The following CPA3 variants were observed in gnomAD, a reference collection of about 807,000 sequenced individuals.
CPA3 encodes the protein carboxypeptidase A3.
CPA3 carries 52 observed loss-of-function variants against 55.8 expected under a neutral mutation model. The observed-to-expected ratio is 0.93, with a 90% CI of 0.75 to 1.17. The LOEUF is 1.17. Among genes scored for constraint, CPA3 ranks in the 50% most tolerant of loss-of-function variants. The probability of loss-of-function intolerance (pLI) is 0.00; values close to 1 mark genes in which losing one functional copy is unlikely to be tolerated. For missense variants in CPA3, 547 were observed against 509.1 expected, an observed-to-expected ratio of 1.07 and a Z score of -0.72; for synonymous variants, 179 against 171.2, an observed-to-expected ratio of 1.05 and a Z score of -0.36.
At chr3:148,891,966 CTGTT>C (rs1714683392) in intron 10 of CPA3, among the ~76,000 whole-genome samples, 1 of 152,204 alleles carries the variant, frequency 6.6e-6, no homozygotes, top group African/African-American at 2.4e-5. Context: ...AAGTGGCAAT[CTGTT>C]TGATCACTGA....
In CPA3 at chr3:148,896,647, C is replaced by T; in HGVS notation, c.1194C>T (p.Cys398=). Residue 398 remains cysteine (C), a synonymous_variant, in exon 11 of 11, where the codon TGC becomes TGT. Coordinates refer to ENST00000296046, the MANE Select transcript of CPA3 (RefSeq NM_001870.4). ...CAGAATCCCGGATAAAGCCAACGTG[C>T]AGAGAGACCATGCTAGCTGTCAAAT... is the stretch of plus-strand genomic sequence containing the variant. ...LLPESRIKPT[C]RETMLAVKFI... 2 of 1,581,250 alleles carry T rather than the reference C, an allele frequency of 1.3e-6. No homozygotes were observed. The highest frequency in any genetic ancestry group is 1.7e-6 in the Non-Finnish European group (2 of 1,155,190).
chr3:148,883,856 C>T, intron 9 of CPA3, 41 bp downstream of exon 9: 3 of 1,402,920 alleles, frequency 2.1e-6, no homozygotes, highest in Non-Finnish European at 3.0e-6. Context: ...TCGACAATAC[C>T]ATTGACTTTC....
At chr3:148,878,608 C>A (rs1714274215) in intron 4 of CPA3, 39 bp from the exon 5 acceptor site, 1 of 1,572,554 alleles carries the variant, frequency 6.4e-7, no homozygotes, top group African/African-American at 1.4e-5. Context: ...ATTTTGTTTT[C>A]TTTTATTCTA....
At chr3:148,873,934 C>A (rs73866681) in intron 3 of CPA3, among the ~76,000 whole-genome samples, 9,682 of 152,208 alleles carry the variant, frequency 0.064, 582 homozygotes, top group African/African-American at 0.15. Flanking sequence ...TATCCTTTCA[C>A]CTATATTTAG....
intron 5 of CPA3, 102 bp from the exon 6 acceptor site, chr3:148,879,682 TAGAC>T: frequency 1.3e-6 from 1 of 742,230 alleles, no homozygotes; most frequent in Non-Finnish European, 2.4e-6. Context: ...CATTCAACAA[TAGAC>T]AGGGGAAATA....
At chr3:148,885,181 G>A (rs914825357) in intron 9 of CPA3, among the ~76,000 whole-genome samples, 1 of 152,024 alleles carries the variant, frequency 6.6e-6, no homozygotes, top group Non-Finnish European at 1.5e-5. Context: ...GAGTAGAGAA[G>A]ATCCTGTAGC....
chr3:148,879,771 A>G lies in CPA3; in HGVS notation c.475-17A>G. The G allele has an allele frequency of 6.5e-7, 1 of 1,536,836 alleles. No individual in the cohort carries two copies. Among genetic ancestry groups the G allele is most frequent in the African/African-American group, 1.4e-5 (1 of 73,414 alleles). ...TGAGTTTGTTCAAAACAATATCTCA[A>G]GTTTACTTTTAAATAGATTGGGGAA... On this transcript the variant is annotated splice_polypyrimidine_tract_variant and intron_variant, in intron 5 of 10. Coordinates refer to ENST00000296046, the MANE Select transcript of CPA3 (RefSeq NM_001870.4).
intron 10 of CPA3, among the ~76,000 whole-genome samples, chr3:148,895,091 ATTC>A (rs1269978321): frequency 1.3e-5 from 2 of 152,170 alleles, no homozygotes. Context: ...ACTGGTTTCT[ATTC>A]TTTTCAATCC....
chr3:148,881,600 A>G lies in CPA3; in HGVS notation c.655A>G (p.Asn219Asp), dbSNP rs767456762. The G allele has an allele frequency of 3.1e-6, 5 of 1,612,432 alleles. No individual in the cohort carries two copies. Among genetic ancestry groups the G allele is most frequent in the South Asian group, 1.1e-5 (1 of 90,926 alleles). ...RMNFYILPVF[N>D]VDGYIWSWTK... is the part of the protein sequence containing the mutation. The stretch of plus-strand genomic sequence containing the variant: ...GAATTTTTACATTCTTCCTGTGTTC[A>G]ATGTTGATGGATATATTTGGTCATG... The change falls in exon 7 of 11, where the codon AAT becomes GAT. Residue 219 changes from asparagine to aspartate, a missense_variant. Transcript: ENST00000296046.
chr3:148,876,326 C>CA (rs1282395258), intron 3 of CPA3, among the ~76,000 whole-genome samples: 19 of 151,432 alleles, frequency 1.3e-4, no homozygotes, highest in African/African-American at 3.9e-4. Flanking sequence ...TAATGTCTAT[C>CA]AAAAAATCCC....
At position 148,895,086 on chromosome 3, in the gene CPA3, T is replaced by C. The variant is rs190186617; in HGVS notation, c.1067-1434T>C. Among the ~76,000 whole-genome samples the C allele has an allele frequency of 1.4e-3, 208 of 152,262 alleles. 1 individual carries two copies. Among genetic ancestry groups the C allele is most frequent in the African/African-American group, 4.8e-3 (199 of 41,560 alleles). On this transcript the variant is annotated intron_variant, in intron 10 of 10. Coordinates refer to ENST00000296046, the MANE Select transcript of CPA3 (RefSeq NM_001870.4). ...TCATTTCACACTACTTCATAACTGG[T>C]TTCTATTCTTTTCAATCCAGATTAA...
chr3:148,868,799 C>T, intron 2 of CPA3, 116 bp from the exon 3 acceptor site: 1 of 1,142,388 alleles, frequency 8.8e-7, no homozygotes, highest in Non-Finnish European at 1.2e-6. Flanking sequence ...GGGTCTGTAT[C>T]TTAGTTATGC....
chr3:148,896,473 C>A, intron 10 of CPA3, 47 bp from the exon 11 acceptor site: 1 of 1,424,562 alleles, frequency 7.0e-7, no homozygotes, highest in Non-Finnish European at 9.4e-7. Flanking sequence ...TTTAAAAAAA[C>A]ATTAGCATTT....
chr3:148,888,550 CAAG>C (rs1283116261), intron 10 of CPA3, among the ~76,000 whole-genome samples: 2 of 152,178 alleles, frequency 1.3e-5, no homozygotes, highest in Non-Finnish European at 2.9e-5. Flanking sequence ...AAGTAAAGAA[CAAG>C]AAGACAGACT....
chr3:148,883,679 A>G lies in CPA3; in HGVS notation c.845A>G (p.Glu282Gly), dbSNP rs780627972. The stretch of plus-strand genomic sequence containing the variant: ...GGCTCTGCACCAGAGTCCGAGAAAG[A>G]GACGAAAGCTGTCACTAATTTCATT... The part of the protein sequence containing the change: ...YRGSAPESEK[E>G]TKAVTNFIRS... The change falls in exon 9 of 11, where the codon GAG becomes GGG. Residue 282 changes from glutamate (E) to glycine (G), a missense_variant. Transcript: ENST00000296046. 4 of 1,614,140 alleles carry G rather than the reference A, an allele frequency of 2.5e-6. No individual in the cohort carries two copies. The highest frequency in any genetic ancestry group is 1.1e-5 in the South Asian group (1 of 91,080).
At chr3:148,866,363 T>C (rs1042823082) in intron 2 of CPA3, among the ~76,000 whole-genome samples, 2 of 152,204 alleles carry the variant, frequency 1.3e-5, no homozygotes, top group Admixed American at 1.3e-4. Context: ...GCCAAGTTCA[T>C]GTTCACTCTA....
At chr3:148,890,900 A>G (rs896244672) in intron 10 of CPA3, among the ~76,000 whole-genome samples, 2 of 152,186 alleles carry the variant, frequency 1.3e-5, no homozygotes, top group African/African-American at 4.8e-5. Flanking sequence ...AGTAGGAAAT[A>G]TTTTCTTAAT....
intron 10 of CPA3, among the ~76,000 whole-genome samples, chr3:148,890,927 A>G (rs148572934): frequency 1.3e-5 from 2 of 152,352 alleles, no homozygotes; most frequent in Admixed American, 6.5e-5. Flanking sequence ...CATACTCAGA[A>G]TATGCTGTCA....
chr3:148,882,537 C>A lies in CPA3; in HGVS notation c.720C>A (p.Asn240Lys), dbSNP rs755494551. ...TGTGGAGAAAAAATCGTTCCAAGAA[C>A]CAAAACTCCAAATGCATCGGCACTG... ...NRMWRKNRSK[N>K]QNSKCIGTDL... is the part of the protein sequence containing the mutation. The change falls in exon 8 of 11, where the codon AAC becomes AAA. Residue 240 changes from asparagine to lysine, a missense_variant. Coordinates refer to ENST00000296046, the MANE Select transcript of CPA3 (RefSeq NM_001870.4). The A allele has an allele frequency of 6.2e-7, 1 of 1,613,566 alleles. No individual in the cohort carries two copies. Among genetic ancestry groups the A allele is most frequent in the Admixed American group, 1.7e-5 (1 of 59,984 alleles).
Sources: gnomAD v4.1 joint callset for allele counts (sites outside exome capture counted in the v4.1 genomes callset) on GRCh38, gnomAD v4.1.1 for gene constraint, MANE v1.5 for transcripts, NCBI Gene and HGNC (gene_info 2026-07-23, HGNC 2026-07-21) for gene names.